OIP5: variants seen among roughly 807,000 people sequenced by gnomAD.
OIP5 encodes the protein Opa interacting protein 5, also known as protein Mis18-beta.
Under a neutral mutation model 20.3 loss-of-function variants are expected in OIP5, and 24 were observed. The observed-to-expected ratio is 1.18, with a 90% CI of 0.86 to 1.66. The LOEUF (loss-of-function observed/expected upper bound fraction) is 1.66. Among genes scored for constraint, OIP5 ranks in the 40% most tolerant of loss-of-function variants. The pLI is 0.00. For synonymous variants in OIP5, 143 were observed against 121.3 expected (o/e 1.18, Z -1.17); for missense variants, 339 against 289.5 (o/e 1.17, Z -1.24).
intron 4 of OIP5, among the ~76,000 whole-genome samples, chr15:41,312,380 C>G (rs1418749841): frequency 6.6e-6 from 1 of 151,862 alleles, no homozygotes; most frequent in African/African-American, 2.4e-5. Context: ...AGGCTGGTCT[C>G]GAACTACTGA....
At position 41,319,689 on chromosome 15, in the gene OIP5, G is replaced by A; in HGVS notation, c.481C>T (p.His161Tyr). The change falls in exon 3 of 5, where the codon CAC becomes TAC. Residue 161 changes from histidine (H) to tyrosine (Y), a missense_variant. Physicochemically the swap from His to Tyr is moderately conservative, Grantham distance 83. Transcript: ENST00000220514. ...THAALAALRG[H>Y]FCLSSDKMVC... is the part of the protein sequence containing the mutation. ...ATTTTGTCACTGGAAAGGCAGAAGT[G>A]ACCTCTCAAGGCAGCCAGGGCAGCA... 1.9e-6 allele frequency: 3 copies of A among 1,613,852 alleles called. No homozygotes were observed. The highest frequency in any genetic ancestry group is 2.5e-6 in the Non-Finnish European group (3 of 1,179,850).
At chr15:41,320,102 T>C (rs1029841717) in intron 2 of OIP5, among the ~76,000 whole-genome samples, 6 of 152,184 alleles carry the variant, frequency 3.9e-5, no homozygotes, top group African/African-American at 1.4e-4. Flanking sequence ...CATTTAAAAC[T>C]ACAAATCATG....
rs573604841 is a variant in OIP5 at position 41,314,831 on chromosome 15, C to CA, written c.513-1478dup. Reference sequence around the variant, plus strand: ...ATTTTTAGCAGAGACAGGGTTTCACCATATTGGACAGGCTGGTCTTGAATT... The same window carrying CA: ...ATTTTTAGCAGAGACAGGGTTTCACCAATATTGGACAGGCTGGTCTTGAATT... On this transcript the variant is annotated intron_variant, in intron 3 of 4. Coordinates refer to ENST00000220514, the MANE Select transcript of OIP5 (RefSeq NM_007280.2). Among the ~76,000 whole-genome samples the CA allele has an allele frequency of 1.2e-3, 183 of 151,512 alleles. 1 individual carries two copies. Among genetic ancestry groups the CA allele is most frequent in the Non-Finnish European group, 1.6e-3 (111 of 67,866 alleles).
chr15:41,325,347 A>C (rs1281613359), intron 2 of OIP5, among the ~76,000 whole-genome samples: 4 of 152,114 alleles, frequency 2.6e-5, no homozygotes, highest in Admixed American at 1.3e-4. Context: ...CTGAGCTTGC[A>C]GTGAGCCTAG....
At chr15:41,321,588 C>A (rs970695282) in intron 2 of OIP5, among the ~76,000 whole-genome samples, 17 of 152,078 alleles carry the variant, frequency 1.1e-4, no homozygotes, top group African/African-American at 4.1e-4. Flanking sequence ...AAGAAAAATT[C>A]TTCTGCCTTG....
At chr15:41,310,622 C>A (rs546820700) in intron 4 of OIP5, among the ~76,000 whole-genome samples, 30 of 148,504 alleles carry the variant, frequency 2.0e-4, no homozygotes, top group African/African-American at 7.3e-4. Flanking sequence ...GAGCGAGACT[C>A]CGTCTCAAAA....
At chr15:41,322,928 T>C (rs1055040554) in intron 2 of OIP5, among the ~76,000 whole-genome samples, 1 of 149,932 alleles carries the variant, frequency 6.7e-6, no homozygotes, top group Non-Finnish European at 1.5e-5. Context: ...AGAGCGAAAC[T>C]CCATCTTAAA....
At chr15:41,321,004 G>A (rs1207086287) in intron 2 of OIP5, among the ~76,000 whole-genome samples, 4 of 148,112 alleles carry the variant, frequency 2.7e-5, no homozygotes, top group Non-Finnish European at 6.0e-5. Flanking sequence ...GAGCGTCTCT[G>A]CCCGGCTGCC....
intron 2 of OIP5, among the ~76,000 whole-genome samples, chr15:41,330,173 C>G (rs2047888330): frequency 6.6e-6 from 1 of 151,954 alleles, no homozygotes; most frequent in Non-Finnish European, 1.5e-5. Flanking sequence ...TCACCACAAC[C>G]TCCACCTCCC....
intron 2 of OIP5, among the ~76,000 whole-genome samples, chr15:41,329,313 GTTTT>G (rs760717935): frequency 9.1e-5 from 11 of 121,266 alleles, no homozygotes; most frequent in Non-Finnish European, 1.7e-5. Flanking sequence ...TTTCCCTCTA[GTTTT>G]TTTTTTTTTT....
At chr15:41,321,327 C>A (rs1479442176) in intron 2 of OIP5, among the ~76,000 whole-genome samples, 2 of 151,032 alleles carry the variant, frequency 1.3e-5, no homozygotes, top group Non-Finnish European at 3.0e-5. Context: ...GCCCGGCCAG[C>A]CGCCCCGTCC....
intron 3 of OIP5, among the ~76,000 whole-genome samples, chr15:41,314,473 T>C (rs1200199828): frequency 6.6e-6 from 1 of 151,920 alleles, no homozygotes; most frequent in Non-Finnish European, 1.5e-5. Context: ...CTTTCTCAGA[T>C]GAGGTGATCA....
At chr15:41,311,097 G>A (rs1176148768) in intron 4 of OIP5, among the ~76,000 whole-genome samples, 1 of 152,150 alleles carries the variant, frequency 6.6e-6, no homozygotes, top group Non-Finnish European at 1.5e-5. Flanking sequence ...ACTTGAACCT[G>A]GCACTCACAC....
Position 41,309,728 on chromosome 15 carries a change from C to G in OIP5, c.*26G>C, listed in dbSNP as rs777623267. 3 of 1,499,474 alleles carry G rather than the reference C, an allele frequency of 2.0e-6. No homozygotes were observed. The Admixed American group carries it at 5.2e-5, about 26-fold the overall frequency. The allele number at this position is 1,499,474 out of a possible 1,614,324, so 92.9% of individuals were successfully genotyped here. On this transcript the variant is annotated 3_prime_UTR_variant, in exon 5 of 5. Coordinates refer to ENST00000220514, the MANE Select transcript of OIP5 (RefSeq NM_007280.2). ...GTTGAAGACAGCAATAAAGCCTGAA[C>G]CTGACACTCAAGCTTTGGTACAGGA...
intron 2 of OIP5, among the ~76,000 whole-genome samples, chr15:41,323,365 T>C (rs1410154460): frequency 2.0e-5 from 3 of 152,294 alleles, no homozygotes; most frequent in East Asian, 1.9e-4. Flanking sequence ...GTTTTTGATT[T>C]ACTTTGCCCA....
chr15:41,328,814 C>T (rs563383783), intron 2 of OIP5, among the ~76,000 whole-genome samples: 2 of 152,144 alleles, frequency 1.3e-5, no homozygotes, highest in South Asian at 4.2e-4. Context: ...AATCCCAGCA[C>T]TTTGGGAGGC....
At position 41,332,481 on chromosome 15, in the gene OIP5, C is replaced by A. The variant is rs757024698; in HGVS notation, c.81G>T (p.Ala27=). Reference sequence around the variant, plus strand: ...AGGTCGTAAAAGAAGCTTGGTCAATCGCCCTCTCAGTGCCACCACAAAAGT... The same window carrying A: ...AGGTCGTAAAAGAAGCTTGGTCAATAGCCCTCTCAGTGCCACCACAAAAGT... ...RGDFCGGTER[A]IDQASFTTSM... is the part of the protein sequence containing the mutation. The change falls in exon 1 of 5, where the codon GCG becomes GCT. Residue 27 remains alanine (A), a synonymous_variant. Coordinates refer to ENST00000220514, the MANE Select transcript of OIP5 (RefSeq NM_007280.2). The A allele has an allele frequency of 3.1e-6, 5 of 1,614,092 alleles. No homozygotes were observed. Among genetic ancestry groups the A allele is most frequent in the Non-Finnish European group, 4.2e-6 (5 of 1,179,948 alleles).
At chr15:41,314,483 A>T (rs1480513368) in intron 3 of OIP5, among the ~76,000 whole-genome samples, 1 of 151,800 alleles carries the variant, frequency 6.6e-6, no homozygotes, top group Non-Finnish European at 1.5e-5. Flanking sequence ...TGAGGTGATC[A>T]TGTGACATAG....
chr15:41,320,519 A>T (rs2047816641), intron 2 of OIP5, among the ~76,000 whole-genome samples: 2 of 152,108 alleles, frequency 1.3e-5, no homozygotes, highest in Admixed American at 1.3e-4. Context: ...ACCGCGAGTG[A>T]TCCACCAGCC....
Sources: gnomAD v4.1 joint callset for allele counts (sites outside exome capture counted in the v4.1 genomes callset) on GRCh38, gnomAD v4.1.1 for gene constraint, MANE v1.5 for transcripts, NCBI Gene and HGNC (gene_info 2026-07-23, HGNC 2026-07-21) for gene names.